The following PCDHGC4 variants were observed in gnomAD, a reference collection of about 807,000 sequenced individuals.
The protein encoded by PCDHGC4 is protocadherin gamma subfamily C, 4.
Under a neutral mutation model 59.7 loss-of-function variants are expected in PCDHGC4, and 15 were observed. That is an observed-to-expected ratio of 0.25 (90% CI 0.17 to 0.39). The LOEUF (loss-of-function observed/expected upper bound fraction) is 0.39. PCDHGC4 is among the 10% of genes least tolerant of loss of function. PCDHGC4 has a pLI of 1.00. For synonymous variants in PCDHGC4, 434 were observed against 481.4 expected, an observed-to-expected ratio of 0.90 and a Z score of 1.29; for missense variants, 1,016 against 1,189.5, an observed-to-expected ratio of 0.85 and a Z score of 2.15.
At position 141,485,035 on chromosome 5, in the gene PCDHGC4, AC is replaced by A; in HGVS notation, c.-136del. ...CCGCCACCAGCAAAAACGGCGCGTA[AC>A]CCTTGCGGCGCCGGCCGAACCGCGC... On this transcript the variant is annotated 5_prime_UTR_variant, in exon 1 of 4. Coordinates refer to ENST00000306593, the MANE Select transcript of PCDHGC4 (RefSeq NM_018928.3). The surrounding 1 kb of genome is among the most constrained non-coding windows in gnomAD (Gnocchi z 5.7). 1.4e-6 allele frequency: 1 copy of A among 694,388 alleles called. No homozygotes were observed. Among genetic ancestry groups the A allele is most frequent in the East Asian group, 2.6e-5 (1 of 38,852 alleles). The allele number at this position is 694,388 out of a possible 1,614,324, so 43.0% of individuals were successfully genotyped here.
chr5:141,489,794 T>TA lies in PCDHGC4; in HGVS notation c.2442+2183dup. The TA allele has an allele frequency of 1.2e-6, 2 of 1,614,120 alleles. No homozygotes were observed. The highest frequency in any genetic ancestry group is 2.2e-5 in the South Asian group (2 of 91,076). The stretch of plus-strand genomic sequence containing the variant: ...CACTTCTCTCTGAATGTGAAGACCC[T>TA]AAAAGATGGGAAGCCATTCCCAGAG... On this transcript the variant is annotated intron_variant, in intron 1 of 3. Transcript: ENST00000306593. This position sits in a 1 kb window ranked among gnomAD's most constrained non-coding sequence, Gnocchi z 4.5.
At chr5:141,498,012 A>T (rs184213306) in intron 2 of PCDHGC4, among the ~76,000 whole-genome samples, 6 of 152,348 alleles carry the variant, frequency 3.9e-5, no homozygotes, top group Non-Finnish European at 8.8e-5. Context: ...CAGTGCACTG[A>T]AGGAGACAAA....
chr5:141,499,423 G>GA (rs1229901490), intron 2 of PCDHGC4, among the ~76,000 whole-genome samples: 1 of 151,754 alleles, frequency 6.6e-6, no homozygotes, highest in Non-Finnish European at 1.5e-5. Flanking sequence ...ATGAAAAATA[G>GA]AAAAAAAATT....
chr5:141,507,554 A>C (rs1384910590), intron 3 of PCDHGC4, among the ~76,000 whole-genome samples: 2 of 152,258 alleles, frequency 1.3e-5, no homozygotes, highest in African/African-American at 4.8e-5. Context: ...TGAAAGTGGC[A>C]GGCGGCTGGG....
At chr5:141,504,340 G>C (rs1240423982) in intron 2 of PCDHGC4, among the ~76,000 whole-genome samples, 1 of 152,062 alleles carries the variant, frequency 6.6e-6, no homozygotes, top group Non-Finnish European at 1.5e-5. Flanking sequence ...CAAGTGCTAG[G>C]CTTTGTGCTA....
At position 141,486,426 on chromosome 5, in the gene PCDHGC4, A is replaced by T; in HGVS notation, c.1253A>T (p.Lys418Ile). 6.2e-7 allele frequency: 1 copy of T among 1,614,190 alleles called. No homozygotes were observed. The highest frequency in any genetic ancestry group is 8.5e-7 in the Non-Finnish European group (1 of 1,180,026). ...GCTGGACCCTTGGATCGAGAGGCCA[A>T]ATCTAGCTATGACATCATGGTCACT... The part of the protein sequence containing the change: ...VTAGPLDREA[K>I]SSYDIMVTAS... The change falls in exon 1 of 4, where the codon AAA (lysine) becomes ATA (isoleucine). Residue 418 changes from lysine (K) to isoleucine (I), a missense_variant. Coordinates refer to ENST00000306593, the MANE Select transcript of PCDHGC4 (RefSeq NM_018928.3). This position sits in a 1 kb window ranked among gnomAD's most constrained non-coding sequence, Gnocchi z 5.0.
At chr5:141,494,569 T>G (rs1341706026) in intron 1 of PCDHGC4, among the ~76,000 whole-genome samples, 2 of 152,190 alleles carry the variant, frequency 1.3e-5, no homozygotes, top group Non-Finnish European at 2.9e-5. Flanking sequence ...GAAAGGAGTC[T>G]CAGCTTGCTC....
chr5:141,499,466 G>C (rs1337970911), intron 2 of PCDHGC4, among the ~76,000 whole-genome samples: 1 of 152,034 alleles, frequency 6.6e-6, no homozygotes, highest in African/African-American at 2.4e-5. Flanking sequence ...TTACAATCTA[G>C]GGAGAACCAC....
In PCDHGC4 at chr5:141,490,262, G is replaced by A; in HGVS notation, c.2442+2647G>A. 1.2e-6 allele frequency: 2 copies of A among 1,614,206 alleles called. No homozygotes were observed. Among genetic ancestry groups the A allele is most frequent in the South Asian group, 1.1e-5 (1 of 91,086 alleles). On this transcript the variant is annotated intron_variant, in intron 1 of 3. Transcript: ENST00000306593. The surrounding 1 kb of genome is among the most constrained non-coding windows in gnomAD (Gnocchi z 5.4). ...CACTGTGTGATTCAAGTGGATGTGGGGGATGTCAATGACAATGCCCCAGAG... is the reference window on the plus strand; with the variant it reads ...CACTGTGTGATTCAAGTGGATGTGGAGGATGTCAATGACAATGCCCCAGAG...
Position 141,487,367 on chromosome 5 carries a change from G to A in PCDHGC4, c.2194G>A (p.Ala732Thr). 1 of 1,614,204 alleles carries A rather than the reference G, an allele frequency of 6.2e-7. No individual in the cohort carries two copies. The highest frequency in any genetic ancestry group is 8.5e-7 in the Non-Finnish European group (1 of 1,180,030). ...CACATGCTTTCCTGCTGGCACCTGT[G>A]CCTGTCTCACCAGATCTCGAAGGAG... ...GVTCFPAGTC[A>T]CLTRSRRREG... Residue 732 changes from alanine to threonine, a missense_variant, in exon 1 of 4, where the codon GCC becomes ACC. By Grantham distance (58) the Ala-to-Thr change is moderately conservative. Coordinates refer to ENST00000306593, the MANE Select transcript of PCDHGC4 (RefSeq NM_018928.3). This position sits in a 1 kb window ranked among gnomAD's most constrained non-coding sequence, Gnocchi z 5.0.
Position 141,505,229 on chromosome 5 carries a change from G to T in PCDHGC4, c.2502-164G>T, listed in dbSNP as rs116169437. 9.5e-4 allele frequency: 809 copies of T among 847,460 alleles called. 6 individuals carry two copies. In the African/African-American group the frequency reaches 0.013, roughly 13 times the overall value. 52.5% of individuals were successfully genotyped at this position (847,460 alleles called of 1,614,324 possible). ...TGAGGGACTGACTTGTGGGATTCTG[G>T]CTTCTGAAGGATTGTAGAAGTGCCT... On this transcript the variant is annotated intron_variant, in intron 2 of 3. Coordinates refer to ENST00000306593, the MANE Select transcript of PCDHGC4 (RefSeq NM_018928.3).
chr5:141,490,009 A>T lies in PCDHGC4; in HGVS notation c.2442+2394A>T. Reference sequence around the variant, plus strand: ...TGTGGGAATCCCAGAGAATGCACCCATTGGTACTCTGCTGCTCCGCCTCAA... The same window carrying T: ...TGTGGGAATCCCAGAGAATGCACCCTTTGGTACTCTGCTGCTCCGCCTCAA... On this transcript the variant is annotated intron_variant, in intron 1 of 3. Transcript: ENST00000306593. The surrounding 1 kb of genome is among the most constrained non-coding windows in gnomAD (Gnocchi z 5.4). 5 of 1,614,214 alleles carry T rather than the reference A, an allele frequency of 3.1e-6. No individual in the cohort carries two copies. The highest frequency in any genetic ancestry group is 4.2e-6 in the Non-Finnish European group (5 of 1,180,032).
Position 141,511,065 on chromosome 5 carries a change from C to T in PCDHGC4, c.2709C>T (p.Ile903=). Residue 903 remains isoleucine, a synonymous_variant, in exon 4 of 4, where the codon ATC becomes ATT. Transcript: ENST00000306593. ...HVPDYRQNVY[I]PGSNATLTNA... ...CCGACTACCGCCAGAATGTCTACATCCCAGGCAGCAATGCCACACTGACCA... is the reference window on the plus strand; with the variant it reads ...CCGACTACCGCCAGAATGTCTACATTCCAGGCAGCAATGCCACACTGACCA... The T allele has an allele frequency of 6.2e-7, 1 of 1,614,222 alleles. No individual in the cohort carries two copies. Among genetic ancestry groups the T allele is most frequent in the Middle Eastern group, 1.6e-4 (1 of 6,062 alleles).
chr5:141,491,802 G>C lies in PCDHGC4; in HGVS notation c.2443-3005G>C, dbSNP rs759587995. 1 of 1,497,480 alleles carries C rather than the reference G, an allele frequency of 6.7e-7. No homozygotes were observed. The highest frequency in any genetic ancestry group is 1.3e-5 in the South Asian group (1 of 74,938). The allele number at this position is 1,497,480 out of a possible 1,614,324, so 92.8% of individuals were successfully genotyped here. A position where few individuals can be genotyped will look rare whatever the true frequency, so the allele number is the denominator to read the frequency against. On this transcript the variant is annotated intron_variant, in intron 1 of 3. Coordinates refer to ENST00000306593, the MANE Select transcript of PCDHGC4 (RefSeq NM_018928.3). The surrounding 1 kb of genome is among the most constrained non-coding windows in gnomAD (Gnocchi z 6.9). ...ACTTGCATCCACTCCTCTCCGGCCG[G>C]CTTGGTCGCTGGCTGCGCTCCACCC...
rs140056243 is a variant in PCDHGC4 at position 141,487,386 on chromosome 5, G to A, written c.2213G>A (p.Arg738Gln). 21 of 1,614,046 alleles carry A rather than the reference G, an allele frequency of 1.3e-5. No individual in the cohort carries two copies. The highest frequency in any genetic ancestry group is 4.0e-5 in the African/African-American group (3 of 74,920). Residue 738 changes from arginine to glutamine, a missense_variant, in exon 1 of 4, where the codon CGA becomes CAA. Physicochemically the swap from Arg to Gln is conservative, Grantham distance 43. Coordinates refer to ENST00000306593, the MANE Select transcript of PCDHGC4 (RefSeq NM_018928.3). The surrounding 1 kb of genome is among the most constrained non-coding windows in gnomAD (Gnocchi z 5.0). ...AGTCACLTRS[R>Q]RREGLPPSNG... Reference sequence around the variant, plus strand: ...ACCTGTGCCTGTCTCACCAGATCTCGAAGGAGGGAGGGGCTTCCCCCTTCC... The same window carrying A: ...ACCTGTGCCTGTCTCACCAGATCTCAAAGGAGGGAGGGGCTTCCCCCTTCC...
At chr5:141,498,967 GGGAGGGAA>G (rs1395523211) in intron 2 of PCDHGC4, among the ~76,000 whole-genome samples, 34 of 129,670 alleles carry the variant, frequency 2.6e-4, no homozygotes, top group Admixed American at 1.5e-3. Flanking sequence ...GAGGGAGGGA[GGGAGGGAA>G]GGAAGGAAGG....
At chr5:141,504,990 C>T (rs1056476591) in intron 2 of PCDHGC4, among the ~76,000 whole-genome samples, 3 of 151,976 alleles carry the variant, frequency 2.0e-5, no homozygotes, top group Non-Finnish European at 2.9e-5. Context: ...GGTGAAACCC[C>T]GTCTGTACTA....
chr5:141,505,320 C>G, intron 2 of PCDHGC4, 73 bp from the exon 3 acceptor site: 2 of 1,605,358 alleles, frequency 1.2e-6, no homozygotes, highest in Non-Finnish European at 1.7e-6. Context: ...TTTGGGAGCC[C>G]TGGGAGAGGA....
Position 141,493,508 on chromosome 5 carries a change from C to T in PCDHGC4, c.2443-1299C>T, listed in dbSNP as rs2099748607. 1.3e-5 allele frequency among the ~76,000 whole-genome samples: 2 copies of T among 152,284 alleles called. No homozygotes were observed. The highest frequency in any genetic ancestry group is 4.1e-4 in the South Asian group (2 of 4,820). On this transcript the variant is annotated intron_variant, in intron 1 of 3. Transcript: ENST00000306593. The surrounding 1 kb of genome is among the most constrained non-coding windows in gnomAD (Gnocchi z 4.3). Reference sequence around the variant, plus strand: ...TCTTCTGTGGCTCCTCATTTCTGAGCAGTCCCCGCAGCGCAAACTTGGCCA... The same window carrying T: ...TCTTCTGTGGCTCCTCATTTCTGAGTAGTCCCCGCAGCGCAAACTTGGCCA...
Sources: allele counts gnomAD v4.1 joint callset (sites outside exome capture counted in the v4.1 genomes callset), GRCh38; gene constraint gnomAD v4.1.1; non-coding constraint Gnocchi (gnomAD v3.1); transcripts MANE v1.5; gene names NCBI Gene and HGNC (gene_info 2026-07-23, HGNC 2026-07-21).